The following LPP variants were observed in gnomAD, a reference collection of about 807,000 sequenced individuals.
LPP encodes lipoma-preferred partner.
Under a neutral mutation model 60.4 loss-of-function variants are expected in LPP, and 38 were observed. The ratio of observed to expected loss-of-function variants is 0.63; its 90% CI spans 0.49 to 0.83. LPP has a LOEUF of 0.83. Among genes scored for constraint, LPP ranks in the 40% least tolerant of loss-of-function variants. LPP has a pLI of 0.00. For synonymous variants in LPP, 328 were observed against 290.8 expected (o/e 1.13, Z -1.30); for missense variants, 902 against 783.6 (o/e 1.15, Z -1.80).
At chr3:188,389,153 T>G (rs1779083411) in intron 3 of LPP, among the ~76,000 whole-genome samples, 1 of 151,942 alleles carries the variant, frequency 6.6e-6, no homozygotes, top group Non-Finnish European at 1.5e-5. Flanking sequence ...GTGTGTGTGT[T>G]TGGTATATTT....
chr3:188,653,031 A>G (rs1560708460), intron 7 of LPP, among the ~76,000 whole-genome samples: 1 of 152,230 alleles, frequency 6.6e-6, no homozygotes, highest in Non-Finnish European at 1.5e-5. Context: ...GCTGGAGCAG[A>G]GACTGATTCC....
chr3:188,758,559 T>C (rs1731121550), intron 8 of LPP, among the ~76,000 whole-genome samples: 1 of 152,218 alleles, frequency 6.6e-6, no homozygotes, highest in Non-Finnish European at 1.5e-5. Context: ...AAGAAATACT[T>C]TTCAGGGCCA....
intron 2 of LPP, among the ~76,000 whole-genome samples, chr3:188,226,478 C>T (rs1257739674): frequency 2.6e-5 from 4 of 152,106 alleles, no homozygotes; most frequent in Non-Finnish European, 4.4e-5. Flanking sequence ...TAAACTTTCC[C>T]TTGTGTTTTG....
chr3:188,646,010 A>ACTTCT (rs1851044127), intron 7 of LPP, among the ~76,000 whole-genome samples: 1 of 152,146 alleles, frequency 6.6e-6, no homozygotes, highest in Non-Finnish European at 1.5e-5. Context: ...CTAAATCTAA[A>ACTTCT]CAGAGAAATA....
intron 9 of LPP, among the ~76,000 whole-genome samples, chr3:188,764,978 C>T (rs1159294380): frequency 1.3e-5 from 2 of 152,126 alleles, no homozygotes; most frequent in African/African-American, 4.8e-5. Context: ...TAGTGACCAA[C>T]ACACTAGCAG....
At chr3:188,378,743 C>G (rs970277358) in intron 3 of LPP, among the ~76,000 whole-genome samples, 2 of 152,166 alleles carry the variant, frequency 1.3e-5, no homozygotes, top group Non-Finnish European at 2.9e-5. Flanking sequence ...CTGGCACTCC[C>G]CAGTGAGATG....
intron 2 of LPP, among the ~76,000 whole-genome samples, chr3:188,243,581 C>T (rs1725760984): frequency 6.6e-6 from 1 of 152,190 alleles, no homozygotes; most frequent in Non-Finnish European, 1.5e-5. Context: ...CTACAATACA[C>T]AGGCTAATTG....
intron 8 of LPP, chr3:188,712,069 G>A (rs574774095): frequency 6.6e-6 from 1 of 152,288 alleles, no homozygotes; most frequent in African/African-American, 2.4e-5. Flanking sequence ...GACCAATCTA[G>A]GGAAGGCTGT....
chr3:188,797,850 T>C (rs1283214336), intron 9 of LPP, among the ~76,000 whole-genome samples: 2 of 152,198 alleles, frequency 1.3e-5, no homozygotes, highest in African/African-American at 4.8e-5. Flanking sequence ...TCTTTCTATT[T>C]GTGTTTCCCA....
intron 1 of LPP, among the ~76,000 whole-genome samples, chr3:188,157,044 G>T (rs1342193514): frequency 6.6e-6 from 1 of 152,066 alleles, no homozygotes; most frequent in Non-Finnish European, 1.5e-5. Flanking sequence ...ACTGAAATGT[G>T]GTTGTCTTAT....
intron 1 of LPP, among the ~76,000 whole-genome samples, chr3:188,177,844 G>C (rs1015392433): frequency 2.0e-5 from 3 of 152,190 alleles, no homozygotes; most frequent in African/African-American, 7.2e-5. Context: ...GACTCTGGGA[G>C]GTCATCCTGG....
intron 9 of LPP, among the ~76,000 whole-genome samples, chr3:188,770,928 G>A (rs1430626247): frequency 6.6e-6 from 1 of 152,152 alleles, no homozygotes; most frequent in East Asian, 1.9e-4. Context: ...ATCTGACTTT[G>A]TAAAACAGTT....
intron 2 of LPP, among the ~76,000 whole-genome samples, chr3:188,273,699 G>A (rs374879164): frequency 2.7e-5 from 4 of 146,476 alleles, no homozygotes; most frequent in Non-Finnish European, 4.5e-5. Flanking sequence ...GGGTTCAAGC[G>A]ATTCTCGTGC....
chr3:188,825,492 T>C (rs958516549), intron 9 of LPP, among the ~76,000 whole-genome samples: 1 of 152,098 alleles, frequency 6.6e-6, no homozygotes, highest in African/African-American at 2.4e-5. Context: ...CAGGGGGCTC[T>C]TGCTCTCCCA....
chr3:188,225,099 T>G (rs906230111), intron 1 of LPP, among the ~76,000 whole-genome samples: 1 of 152,190 alleles, frequency 6.6e-6, no homozygotes, highest in African/African-American at 2.4e-5. Flanking sequence ...TAGGTTTATC[T>G]GTTAATTTTT....
At chr3:188,284,110 G>A (rs1023390591) in intron 2 of LPP, among the ~76,000 whole-genome samples, 3 of 151,920 alleles carry the variant, frequency 2.0e-5, no homozygotes, top group South Asian at 2.1e-4. Context: ...TCAGCATCTC[G>A]GCCGGACGCA....
At chr3:188,646,260 A>G (rs1424868982) in intron 7 of LPP, among the ~76,000 whole-genome samples, 1 of 152,096 alleles carries the variant, frequency 6.6e-6, no homozygotes, top group Non-Finnish European at 1.5e-5. Flanking sequence ...TCAGGGAGTG[A>G]CCAAGGATGG....
rs1438442994 is a variant in LPP at position 188,889,587 on chromosome 3, C to G, written c.*15108C>G. On this transcript the variant is annotated 3_prime_UTR_variant, in exon 12 of 12. Transcript: ENST00000617246. Reference sequence around the variant, plus strand: ...TGTCCTCTTGGTCATAAAGTTGTCTCCTACCTAACCCAGTTTTACCAAATG... The same window carrying G: ...TGTCCTCTTGGTCATAAAGTTGTCTGCTACCTAACCCAGTTTTACCAAATG... 1 of 227,890 alleles carries G rather than the reference C, an allele frequency of 4.4e-6. No individual in the cohort carries two copies. Among genetic ancestry groups the G allele is most frequent in the Admixed American group, 5.7e-5 (1 of 17,592 alleles). 14.1% of individuals were successfully genotyped at this position (227,890 alleles called of 1,614,324 possible). A position where few individuals can be genotyped will look rare whatever the true frequency, so the allele number is the denominator to read the frequency against.
At chr3:188,250,163 G>A (rs766568871) in intron 2 of LPP, among the ~76,000 whole-genome samples, 6 of 152,106 alleles carry the variant, frequency 3.9e-5, no homozygotes, top group Non-Finnish European at 7.4e-5. Context: ...CTAAGGTCAG[G>A]TAGTGCATTT....
Sources: allele counts gnomAD v4.1 joint callset (sites outside exome capture counted in the v4.1 genomes callset), GRCh38; gene constraint gnomAD v4.1.1; transcripts MANE v1.5; gene names NCBI Gene and HGNC (gene_info 2026-07-23, HGNC 2026-07-21).